Variants in MME observed in about 807,000 individuals in gnomAD.
MME encodes the protein neprilysin.
A neutral mutation model predicts 113.2 loss-of-function variants in MME; 98 were observed. The ratio of observed to expected loss-of-function variants is 0.87; its 90% CI spans 0.74 to 1.02. The LOEUF (loss-of-function observed/expected upper bound fraction) is 1.02, where lower values mean the gene tolerates loss of function less well. Ranked by LOEUF, MME falls within the 50% of genes least tolerant of loss-of-function variation. MME has a pLI of 0.00. For missense variants in MME, 836 were observed against 896.0 expected (o/e 0.93, Z 0.86); for synonymous variants, 292 against 300.6 (o/e 0.97, Z 0.30).
intron 22 of MME, among the ~76,000 whole-genome samples, chr3:155,172,915 A>G (rs1033094912): frequency 6.6e-6 from 1 of 152,086 alleles, no homozygotes; most frequent in African/African-American, 2.4e-5. Context: ...TAAAGCTAGA[A>G]CAAAGATATT....
chr3:155,154,876 T>C (rs1281893667), intron 16 of MME, among the ~76,000 whole-genome samples: 1 of 152,152 alleles, frequency 6.6e-6, no homozygotes, highest in African/African-American at 2.4e-5. Flanking sequence ...CGGAGATGAT[T>C]TGTAAAAAGG....
chr3:155,042,934 A>ATGTG (rs1478774130), intron 1 of MME, among the ~76,000 whole-genome samples: 1 of 61,280 alleles, frequency 1.6e-5, no homozygotes, highest in Non-Finnish European at 2.8e-5. Flanking sequence ...ATATATATAT[A>ATGTG]TATATGTATA....
chr3:155,100,771 C>G (rs1717137580), intron 3 of MME, among the ~76,000 whole-genome samples: 1 of 152,152 alleles, frequency 6.6e-6, no homozygotes, highest in South Asian at 2.1e-4. Context: ...TGTAGTCCAG[C>G]TACTCAGGAG....
intron 3 of MME, among the ~76,000 whole-genome samples, chr3:155,091,655 A>G (rs764427274): frequency 1.2e-4 from 19 of 152,188 alleles, no homozygotes; most frequent in Non-Finnish European, 2.6e-4. Context: ...AAGCAAATCC[A>G]TGGGGTAGCA....
chr3:155,168,996 A>G (rs1382719733), intron 20 of MME, 199 bp downstream of exon 20: 4 of 546,022 alleles, frequency 7.3e-6, no homozygotes, highest in Admixed American at 6.5e-5. Context: ...GGAGCTGAAC[A>G]CTTAAGTTTG....
At chr3:155,112,762 C>T (rs1718288562) in intron 3 of MME, 1 of 152,158 alleles carries the variant, frequency 6.6e-6, no homozygotes, top group East Asian at 1.9e-4. Context: ...ACCTCTGTGG[C>T]AAGGGGAGAG....
intron 8 of MME, among the ~76,000 whole-genome samples, chr3:155,137,386 A>G (rs1422097874): frequency 6.6e-6 from 1 of 152,210 alleles, no homozygotes; most frequent in Non-Finnish European, 1.5e-5. Flanking sequence ...TGAGAAAATG[A>G]CTATGAAAAA....
intron 1 of MME, among the ~76,000 whole-genome samples, chr3:155,049,176 G>A (rs781077830): frequency 6.6e-5 from 10 of 151,920 alleles, no homozygotes; most frequent in African/African-American, 9.7e-5. Context: ...CAAAATTTAC[G>A]TCTGGAAACT....
At chr3:155,165,881 C>T (rs1322512367) in intron 17 of MME, among the ~76,000 whole-genome samples, 1 of 152,130 alleles carries the variant, frequency 6.6e-6, no homozygotes, top group African/African-American at 2.4e-5. Context: ...AGAAATAATA[C>T]AAAGACTGAG....
At chr3:155,139,209 C>A (rs1455856949) in intron 9 of MME, among the ~76,000 whole-genome samples, 1 of 152,036 alleles carries the variant, frequency 6.6e-6, no homozygotes, top group Non-Finnish European at 1.5e-5. Context: ...TGGGTTTTTG[C>A]CACTTGCACC....
At chr3:155,125,028 C>T (rs1456731147) in intron 8 of MME, among the ~76,000 whole-genome samples, 1 of 151,724 alleles carries the variant, frequency 6.6e-6, no homozygotes, top group Admixed American at 6.6e-5. Flanking sequence ...CTCGCTGCCG[C>T]CTTGCAGTTT....
Position 155,063,676 on chromosome 3 carries a change from T to TATTAC in MME, c.-10-20478_-10-20477insCATTA, listed in dbSNP as rs1473556176. 1.5e-4 allele frequency among the ~76,000 whole-genome samples: 18 copies of TATTAC among 123,370 alleles called. 2 individuals are homozygous for TATTAC. The highest frequency in any genetic ancestry group is 7.0e-3 in the Middle Eastern group (2 of 286). 80.9% of individuals were successfully genotyped at this position (123,370 alleles called of 152,430 possible). A position where few individuals can be genotyped will look rare whatever the true frequency, so the allele number is the denominator to read the frequency against. On this transcript the variant is annotated intron_variant, in intron 1 of 22. Coordinates refer to the MME transcript ENST00000492661. ...TGATTATATAACATATTATATATTA[T>TATTAC]ATTATATTATATTATATTATATTAT...
At chr3:155,040,951 G>T (rs950513682) in intron 1 of MME, among the ~76,000 whole-genome samples, 3 of 152,142 alleles carry the variant, frequency 2.0e-5, no homozygotes, top group Non-Finnish European at 4.4e-5. Context: ...CTGTCACTGA[G>T]ACATAAATTT....
chr3:155,098,656 A>C (rs566296682), intron 3 of MME, among the ~76,000 whole-genome samples: 31 of 152,180 alleles, frequency 2.0e-4, no homozygotes, highest in African/African-American at 6.7e-4. Context: ...AACAAAAAAC[A>C]CTTCTAAGAA....
chr3:155,084,915 T>C (rs568188667), intron 2 of MME, 144 bp from the exon 3 acceptor site: 1 of 497,362 alleles, frequency 2.0e-6, no homozygotes, highest in African/African-American at 2.0e-5. Context: ...TTCTAACCAC[T>C]GACAATGATA....
At chr3:155,031,687 C>T (rs531295866) in intron 1 of MME, among the ~76,000 whole-genome samples, 6 of 152,220 alleles carry the variant, frequency 3.9e-5, no homozygotes, top group East Asian at 1.9e-4. Context: ...GACAGAGTTT[C>T]GCTCTTGTCG....
chr3:155,055,675 A>C (rs1713900304), intron 1 of MME, among the ~76,000 whole-genome samples: 1 of 152,202 alleles, frequency 6.6e-6, no homozygotes, highest in African/African-American at 2.4e-5. Flanking sequence ...GTGAAATTAA[A>C]AGTTAGGATA....
chr3:155,091,359 T>G (rs1716284917), intron 3 of MME, among the ~76,000 whole-genome samples: 1 of 152,200 alleles, frequency 6.6e-6, no homozygotes, highest in Non-Finnish European at 1.5e-5. Flanking sequence ...CCAGGGAAAC[T>G]TTAAGCAAGT....
At chr3:155,154,717 T>C (rs1255256345) in intron 16 of MME, among the ~76,000 whole-genome samples, 1 of 152,222 alleles carries the variant, frequency 6.6e-6, no homozygotes, top group Non-Finnish European at 1.5e-5. Flanking sequence ...AAGTTCTGTA[T>C]AGTTCAACTT....
Sources: gnomAD v4.1 joint callset for allele counts (sites outside exome capture counted in the v4.1 genomes callset) on GRCh38, gnomAD v4.1.1 for gene constraint, MANE v1.5 for transcripts, NCBI Gene and HGNC (gene_info 2026-07-23, HGNC 2026-07-21) for gene names.